The following SCFD1 variants were observed in gnomAD, a reference collection of about 807,000 sequenced individuals.
The protein encoded by SCFD1 is sec1 family domain containing 1, also known as sec1 family domain-containing protein 1.
A neutral mutation model predicts 103.2 loss-of-function variants in SCFD1; 37 were observed. The observed-to-expected ratio is 0.36, with a 90% CI of 0.28 to 0.47. The LOEUF is 0.47. SCFD1 is among the 20% of genes least tolerant of loss of function. The probability of loss-of-function intolerance (pLI) is 1.00; values close to 1 mark genes in which losing one functional copy is unlikely to be tolerated. For missense variants in SCFD1, 639 were observed against 761.2 expected (o/e 0.84, Z 1.89); for synonymous variants, 264 against 245.0 (o/e 1.08, Z -0.73).
intron 23 of SCFD1, among the ~76,000 whole-genome samples, chr14:30,724,244 G>GTTTTTTTTTTT (rs1268662400): frequency 7.9e-6 from 1 of 127,238 alleles, no homozygotes; most frequent in African/African-American, 3.4e-5. Flanking sequence ...CTTTTTTATG[G>GTTTTTTTTTTT]GTTTTTTTTT....
intron 14 of SCFD1, among the ~76,000 whole-genome samples, chr14:30,680,878 T>A (rs1322947882): frequency 6.6e-6 from 1 of 152,242 alleles, no homozygotes; most frequent in Non-Finnish European, 1.5e-5. Flanking sequence ...TTTTATTATT[T>A]ATTTTCTTCT....
At chr14:30,698,599 T>A (rs1034111821) in intron 15 of SCFD1, among the ~76,000 whole-genome samples, 1 of 152,290 alleles carries the variant, frequency 6.6e-6, no homozygotes, top group South Asian at 2.1e-4. Flanking sequence ...TATTAGGATC[T>A]GTGGTCCCAA....
intron 14 of SCFD1, among the ~76,000 whole-genome samples, chr14:30,678,616 T>A (rs1889231596): frequency 6.6e-6 from 1 of 152,184 alleles, no homozygotes; most frequent in African/African-American, 2.4e-5. Context: ...TTAGCTCACC[T>A]ATGTAGCAAA....
chr14:30,702,208 G>A, intron 16 of SCFD1, 88 bp from the exon 17 acceptor site: 2 of 853,962 alleles, frequency 2.3e-6, no homozygotes, highest in East Asian at 2.5e-5. Context: ...CATGCCTTTG[G>A]TCTTACTTTT....
chr14:30,722,370 A>T, intron 22 of SCFD1, 124 bp from the exon 23 acceptor site: 1 of 596,440 alleles, frequency 1.7e-6, no homozygotes, highest in Non-Finnish European at 2.8e-6. Flanking sequence ...AACATTTCTT[A>T]ATAATTAAAA....
intron 14 of SCFD1, among the ~76,000 whole-genome samples, chr14:30,688,907 C>A (rs1890047088): frequency 1.1e-5 from 1 of 92,202 alleles, no homozygotes; most frequent in Non-Finnish European, 1.8e-5. Flanking sequence ...TCTTCCTAGT[C>A]TCGATGGTCT....
intron 6 of SCFD1, 146 bp from the exon 7 acceptor site, chr14:30,643,170 C>G (rs1411895461): frequency 1.5e-6 from 1 of 672,712 alleles, no homozygotes; most frequent in Non-Finnish European, 2.6e-6. Context: ...AAGATCCTGT[C>G]TGAAAAAAAA....
intron 9 of SCFD1, 136 bp downstream of exon 9, chr14:30,650,786 GACT>G (rs1366810148): frequency 3.7e-6 from 2 of 539,366 alleles, no homozygotes; most frequent in Non-Finnish European, 6.6e-6. Flanking sequence ...TCAAGGTTTT[GACT>G]CATATTGTTC....
At chr14:30,667,681 T>G (rs181254036) in intron 10 of SCFD1, among the ~76,000 whole-genome samples, 38 of 152,352 alleles carry the variant, frequency 2.5e-4, no homozygotes, top group Admixed American at 1.1e-3. Flanking sequence ...CAGAATCTCC[T>G]TAAGCTGATA....
chr14:30,688,608 C>CT (rs1173824654), intron 14 of SCFD1, among the ~76,000 whole-genome samples: 1 of 119,864 alleles, frequency 8.3e-6, no homozygotes, highest in Non-Finnish European at 1.6e-5. Flanking sequence ...TGGTTTAAGT[C>CT]TGTTTTATCA....
chr14:30,669,422 C>T lies in SCFD1; in HGVS notation c.856-834C>T, dbSNP rs112294277. On this transcript the variant is annotated intron_variant, in intron 10 of 24. Coordinates refer to ENST00000458591, the MANE Select transcript of SCFD1 (RefSeq NM_016106.4). ...GTTGGCATTAAACCATAAAATGCTG[C>T]TATTTGTGAGGGAACCCATAGATGT... 8.9e-3 allele frequency among the ~76,000 whole-genome samples: 1,353 copies of T among 152,038 alleles called. 23 individuals are homozygous for T. The highest frequency in any genetic ancestry group is 0.03 in the African/African-American group (1,258 of 41,498).
intron 10 of SCFD1, among the ~76,000 whole-genome samples, chr14:30,662,392 A>G (rs1419084281): frequency 6.6e-6 from 1 of 152,180 alleles, no homozygotes; most frequent in Non-Finnish European, 1.5e-5. Flanking sequence ...GCCAATGGGT[A>G]GTTTCCTTTC....
chr14:30,670,332 G>C lies in SCFD1; in HGVS notation c.932G>C (p.Arg311Thr), dbSNP rs746119909. 1 of 1,593,240 alleles carries C rather than the reference G, an allele frequency of 6.3e-7. No individual in the cohort carries two copies. Among genetic ancestry groups the C allele is most frequent in the East Asian group, 2.3e-5 (1 of 44,234 alleles). The change falls in exon 11 of 25, where the codon AGA becomes ACA. Residue 311 changes from arginine (R) to threonine (T), a missense_variant. Transcript: ENST00000458591. ...ENSPAGARPK[R>T]KNKKSYDLTP... ...TCTCCAGCTGGTGCTAGACCAAAGAGAAAAAACAAGAAGTCTTATGATTTA... is the reference window on the plus strand; with the variant it reads ...TCTCCAGCTGGTGCTAGACCAAAGACAAAAAACAAGAAGTCTTATGATTTA...
intron 4 of SCFD1, among the ~76,000 whole-genome samples, chr14:30,635,386 A>G (rs1884619598): frequency 6.6e-6 from 1 of 152,138 alleles, no homozygotes; most frequent in Non-Finnish European, 1.5e-5. Flanking sequence ...TCATTACCTC[A>G]AAAAGAAACC....
intron 23 of SCFD1, among the ~76,000 whole-genome samples, chr14:30,730,248 C>T (rs1170226676): frequency 6.6e-6 from 1 of 152,126 alleles, no homozygotes; most frequent in African/African-American, 2.4e-5. Flanking sequence ...TTTCTTAATC[C>T]AGTCTATCAT....
At chr14:30,702,860 A>G (rs1274163256) in intron 17 of SCFD1, among the ~76,000 whole-genome samples, 1 of 152,124 alleles carries the variant, frequency 6.6e-6, no homozygotes, top group African/African-American at 2.4e-5. Context: ...TCTCTTAAGG[A>G]TTTATCCCAA....
intron 14 of SCFD1, among the ~76,000 whole-genome samples, chr14:30,693,456 C>G (rs1247624301): frequency 6.6e-6 from 1 of 152,150 alleles, no homozygotes; most frequent in Non-Finnish European, 1.5e-5. Flanking sequence ...GCCTTGCGTG[C>G]CACTGCAAGG....
intron 14 of SCFD1, among the ~76,000 whole-genome samples, chr14:30,682,357 C>T (rs1011879857): frequency 6.6e-6 from 1 of 152,158 alleles, no homozygotes; most frequent in African/African-American, 2.4e-5. Flanking sequence ...GGAAACCCAA[C>T]AAGTAAATAT....
Position 30,734,863 on chromosome 14 carries a change from A to G in SCFD1, c.1905+5A>G. ...GCTACACAGTTCATAAAACAGGTAA[A>G]GTATACATTTGTTGTTTGTTTCTGT... On this transcript the variant is annotated splice_donor_5th_base_variant and intron_variant, in intron 24 of 24. Transcript: ENST00000458591. 6.2e-7 allele frequency: 1 copy of G among 1,602,892 alleles called. No homozygotes were observed. Among genetic ancestry groups the G allele is most frequent in the Non-Finnish European group, 8.5e-7 (1 of 1,169,954 alleles).
Sources: gnomAD v4.1 joint callset for allele counts (sites outside exome capture counted in the v4.1 genomes callset) on GRCh38, gnomAD v4.1.1 for gene constraint, MANE v1.5 for transcripts, NCBI Gene and HGNC (gene_info 2026-07-23, HGNC 2026-07-21) for gene names.